The following RNF38 variants were observed in gnomAD, a reference collection of about 807,000 sequenced individuals.
The protein encoded by RNF38 is ring finger protein 38.
A neutral mutation model predicts 67.2 loss-of-function variants in RNF38; 15 were observed. The observed-to-expected ratio is 0.22, with a 90% confidence interval of 0.15 to 0.34. RNF38 has a LOEUF of 0.34. Ranked by LOEUF, RNF38 falls within the 10% of genes least tolerant of loss-of-function variation. RNF38 has a pLI of 1.00. For synonymous variants in RNF38, 220 were observed against 218.8 expected (o/e 1.01, Z -0.05); for missense variants, 524 against 639.9 (o/e 0.82, Z 1.95).
chr9:36,349,899 G>A (rs973225084), intron 9 of RNF38, among the ~76,000 whole-genome samples: 4 of 152,026 alleles, frequency 2.6e-5, no homozygotes, highest in Non-Finnish European at 4.4e-5. Context: ...CACTCAGCCC[G>A]GAGTACAATG....
At chr9:36,366,582 A>G (rs1834983615) in intron 4 of RNF38, among the ~76,000 whole-genome samples, 1 of 152,254 alleles carries the variant, frequency 6.6e-6, no homozygotes, top group Non-Finnish European at 1.5e-5. Context: ...CAGTATAATC[A>G]GTTTGACTGC....
chr9:36,459,025 T>C (rs959044676), intron 1 of RNF38, among the ~76,000 whole-genome samples: 1 of 152,008 alleles, frequency 6.6e-6, no homozygotes, highest in African/African-American at 2.4e-5. Context: ...CTGGCCAACA[T>C]GGTGAAACCC....
rs760684192 is a variant in RNF38 at position 36,477,322 on chromosome 9, G to GA, written n.241+9985dup. On this transcript the variant is annotated intron_variant and non_coding_transcript_variant, in intron 1 of 3. Coordinates refer to the RNF38 transcript ENST00000488058. Reference sequence around the variant, plus strand: ...TGGGTGACAGAGCAAGACTCGTCTGGAAAAAAAAAAAAAAAGATTACCTTG... The same window carrying GA: ...TGGGTGACAGAGCAAGACTCGTCTGGAAAAAAAAAAAAAAAAGATTACCTTG... Among the ~76,000 whole-genome samples, 395 of 127,066 alleles carry GA rather than the reference G, an allele frequency of 3.1e-3. 2 individuals are homozygous for GA. Among genetic ancestry groups the GA allele is most frequent in the East Asian group, 0.018 (78 of 4,362 alleles). 83.4% of individuals were successfully genotyped at this position (127,066 alleles called of 152,430 possible). A position where few individuals can be genotyped will look rare whatever the true frequency, so the allele number is the denominator to read the frequency against.
At chr9:36,344,001 G>A (rs1345328472) in intron 10 of RNF38, among the ~76,000 whole-genome samples, 1 of 152,078 alleles carries the variant, frequency 6.6e-6, no homozygotes, top group African/African-American at 2.4e-5. Flanking sequence ...AAAAACCACT[G>A]AATTGTACTT....
intron 9 of RNF38, among the ~76,000 whole-genome samples, chr9:36,349,352 G>A (rs898808545): frequency 4.6e-5 from 7 of 152,052 alleles, no homozygotes; most frequent in Non-Finnish European, 1.0e-4. Flanking sequence ...TTTTATTGTG[G>A]TTTTGATTTA....
intron 1 of RNF38, among the ~76,000 whole-genome samples, chr9:36,398,715 A>C (rs1411837461): frequency 2.6e-5 from 4 of 152,230 alleles, no homozygotes; most frequent in Non-Finnish European, 4.4e-5. Context: ...CTTAGCAGGA[A>C]AACCAAAACA....
rs184154592 is a variant in RNF38, at chr9:36,440,495, C to A, written n.242-15812G>T. On this transcript the variant is annotated intron_variant and non_coding_transcript_variant, in intron 1 of 3. Coordinates refer to the RNF38 transcript ENST00000488058. ...GCAGTGAACCAAGATTGTGCCATTG[C>A]ACTCCAGCCTGGGCAACAAGAGCGA... Among the ~76,000 whole-genome samples, 19 of 151,106 alleles carry A rather than the reference C, an allele frequency of 1.3e-4. No individual in the cohort carries two copies. The East Asian group carries it at 3.7e-3, about 30-fold the overall frequency.
intron 1 of RNF38, among the ~76,000 whole-genome samples, chr9:36,469,787 C>G (rs935801262): frequency 2.0e-5 from 3 of 152,078 alleles, no homozygotes; most frequent in African/African-American, 7.2e-5. Context: ...ACCAGCCTGG[C>G]CAACATGGCG....
intron 1 of RNF38, among the ~76,000 whole-genome samples, chr9:36,398,751 T>C (rs62541847): frequency 0.086 from 13,094 of 152,200 alleles, 767 homozygotes; most frequent in Non-Finnish European, 0.13. Flanking sequence ...TCAAGACTAA[T>C]TAAGAACTAC....
intron 11 of RNF38, 34 bp downstream of exon 11, chr9:36,342,291 A>C (rs766177329): frequency 7.0e-7 from 1 of 1,423,630 alleles, no homozygotes. Flanking sequence ...TAGAAAATTC[A>C]ATGTCATTTC....
rs71336457 is a variant in RNF38 at position 36,482,353 on chromosome 9, CTTT to C, written n.241+4952_241+4954del. Among the ~76,000 whole-genome samples the C allele has an allele frequency of 2.8e-5, 3 of 107,672 alleles. 1 individual carries two copies. The highest frequency in any genetic ancestry group is 1.8e-5 in the Non-Finnish European group (1 of 55,338). The allele number at this position is 107,672 out of a possible 152,430, so 70.6% of individuals were successfully genotyped here. A position where few individuals can be genotyped will look rare whatever the true frequency, so the allele number is the denominator to read the frequency against. On this transcript the variant is annotated intron_variant and non_coding_transcript_variant, in intron 1 of 3. Coordinates refer to the RNF38 transcript ENST00000488058. ...CAGGTGTGAGCCACTGTGCCCAGAC[CTTT>C]TTTTTTTTTTTTTTGAGACAGAGTC...
At chr9:36,364,759 T>A (rs1834817281) in intron 4 of RNF38, among the ~76,000 whole-genome samples, 1 of 152,236 alleles carries the variant, frequency 6.6e-6, no homozygotes, top group South Asian at 2.1e-4. Flanking sequence ...CTGGAGGGCA[T>A]GGTAAACTAG....
intron 3 of RNF38, among the ~76,000 whole-genome samples, chr9:36,374,883 C>G (rs573393489): frequency 1.3e-5 from 2 of 152,290 alleles, no homozygotes; most frequent in East Asian, 3.9e-4. Context: ...CAAATACAAC[C>G]ACACTGAGGG....
In RNF38 at chr9:36,464,120, C is replaced by T. The variant is rs192881404; in HGVS notation, n.241+23188G>A. Among the ~76,000 whole-genome samples the T allele has an allele frequency of 1.2e-3, 185 of 151,776 alleles. 7 individuals are homozygous for T. In the South Asian group the frequency reaches 0.033, roughly 27 times the overall value. On this transcript the variant is annotated intron_variant and non_coding_transcript_variant, in intron 1 of 3. Coordinates refer to the RNF38 transcript ENST00000488058. Reference sequence around the variant, plus strand: ...TGGAGATTGCAGTGAGCCTAGATCACGACACTGCACTCCAGCCTGGGCGAC... The same window carrying T: ...TGGAGATTGCAGTGAGCCTAGATCATGACACTGCACTCCAGCCTGGGCGAC...
intron 2 of RNF38, among the ~76,000 whole-genome samples, chr9:36,416,740 A>ATTTTTTTTTTTTTTT (rs1491451376): frequency 5.5e-5 from 4 of 73,056 alleles, no homozygotes; most frequent in African/African-American, 2.2e-4. Context: ...TGCTGCCTCG[A>ATTTTTTTTTTTTTTT]TATTTTTTTT....
At chr9:36,486,459 T>C (rs955725049) in intron 1 of RNF38, among the ~76,000 whole-genome samples, 4 of 152,274 alleles carry the variant, frequency 2.6e-5, no homozygotes, top group African/African-American at 7.2e-5. Flanking sequence ...TTCTGTGCCG[T>C]AAACGTCTTT....
intron 1 of RNF38, among the ~76,000 whole-genome samples, chr9:36,482,848 T>C (rs912471795): frequency 9.9e-5 from 15 of 152,162 alleles, no homozygotes; most frequent in Non-Finnish European, 2.2e-4. Context: ...AAGCCCACAA[T>C]GCATATGGAT....
intron 1 of RNF38, 74 bp from the exon 2 acceptor site, chr9:36,390,690 A>C: frequency 1.4e-6 from 2 of 1,437,014 alleles, no homozygotes; most frequent in Non-Finnish European, 1.9e-6. Context: ...TATGAAGGAT[A>C]GTCTGGATTT....
At chr9:36,444,585 A>C (rs1165325618) in intron 1 of RNF38, among the ~76,000 whole-genome samples, 3 of 152,190 alleles carry the variant, frequency 2.0e-5, no homozygotes, top group Non-Finnish European at 2.9e-5. Context: ...AGATCATTTG[A>C]GGTCAGGAGT....
Sources: gnomAD v4.1 joint callset for allele counts (sites outside exome capture counted in the v4.1 genomes callset) on GRCh38, gnomAD v4.1.1 for gene constraint, MANE v1.5 for transcripts, NCBI Gene and HGNC (gene_info 2026-07-23, HGNC 2026-07-21) for gene names.